GALNTL6: variants seen among roughly 807,000 people sequenced by gnomAD.
GALNTL6 encodes polypeptide N-acetylgalactosaminyltransferase-like 6.
GALNTL6 carries 46 observed loss-of-function variants against 73.7 expected under a neutral mutation model. The ratio of observed to expected loss-of-function variants is 0.62; its 90% CI spans 0.49 to 0.80. The LOEUF (loss-of-function observed/expected upper bound fraction) is 0.80. Among genes scored for constraint, GALNTL6 ranks in the 30% least tolerant of loss-of-function variants. The probability of loss-of-function intolerance (pLI) is 0.00; values close to 1 mark genes in which losing one functional copy is unlikely to be tolerated. For synonymous variants in GALNTL6, 259 were observed against 263.7 expected (o/e 0.98, Z 0.17); for missense variants, 604 against 755.0 (o/e 0.80, Z 2.34).
chr4:172,549,041 A>G (rs572035350), intron 5 of GALNTL6, among the ~76,000 whole-genome samples: 2 of 152,346 alleles, frequency 1.3e-5, no homozygotes, highest in East Asian at 3.9e-4. Flanking sequence ...TTATTGAAAT[A>G]TAATTTTCCC....
chr4:172,461,610 C>A (rs777979880), intron 5 of GALNTL6, among the ~76,000 whole-genome samples: 23 of 152,116 alleles, frequency 1.5e-4, no homozygotes, highest in Non-Finnish European at 2.9e-4. Flanking sequence ...TCCTTTGATT[C>A]TTTTTGCATG....
rs374604895 is a variant in GALNTL6 at position 172,321,418 on chromosome 4, G to C, written c.386+9666G>C. Among the ~76,000 whole-genome samples the C allele has an allele frequency of 6.4e-4, 98 of 152,268 alleles. 2 individuals carry two copies. In the South Asian group the frequency reaches 0.02, roughly 31 times the overall value. On this transcript the variant is annotated intron_variant, in intron 4 of 12. Coordinates refer to ENST00000506823, the MANE Select transcript of GALNTL6 (RefSeq NM_001034845.3). ...ATAAGCCATGCAAAGAAACAGTAAA[G>C]TGTGACCCCTCAGAATAATAAAAAG...
intron 10 of GALNTL6, among the ~76,000 whole-genome samples, chr4:172,997,823 T>C (rs1751865181): frequency 6.6e-6 from 1 of 152,228 alleles, no homozygotes; most frequent in African/African-American, 2.4e-5. Context: ...TATATGCATG[T>C]AATGGAATTT....
chr4:172,198,582 C>G (rs1486039980), intron 2 of GALNTL6, among the ~76,000 whole-genome samples: 3 of 152,038 alleles, frequency 2.0e-5, no homozygotes, highest in African/African-American at 4.8e-5. Flanking sequence ...TTCCAGTGCC[C>G]TCACAAAAAG....
intron 2 of GALNTL6, among the ~76,000 whole-genome samples, chr4:171,883,136 A>G (rs1306206729): frequency 5.3e-5 from 8 of 152,132 alleles, no homozygotes; most frequent in Non-Finnish European, 7.3e-5. Flanking sequence ...ATATTACCTG[A>G]GGTCAGGAGT....
intron 11 of GALNTL6, among the ~76,000 whole-genome samples, chr4:173,010,065 A>T (rs1015237304): frequency 2.6e-5 from 4 of 152,146 alleles, no homozygotes; most frequent in African/African-American, 9.7e-5. Context: ...GACTATAGTC[A>T]CCGTGTTGTG....
intron 5 of GALNTL6, among the ~76,000 whole-genome samples, chr4:172,770,263 C>CTAAATAAA (rs1738685054): frequency 2.3e-5 from 1 of 42,806 alleles, no homozygotes; most frequent in African/African-American, 6.2e-5. Flanking sequence ...AGGACTCCAT[C>CTAAATAAA]TCAATAAATA....
chr4:172,799,380 G>A (rs1001935063), intron 5 of GALNTL6, among the ~76,000 whole-genome samples: 3 of 152,134 alleles, frequency 2.0e-5, no homozygotes, highest in African/African-American at 4.8e-5. Context: ...CTTTGGTCCC[G>A]ACACTTTGAT....
chr4:172,244,711 G>A (rs1189164640), intron 3 of GALNTL6, among the ~76,000 whole-genome samples: 2 of 152,038 alleles, frequency 1.3e-5, no homozygotes, highest in Non-Finnish European at 2.9e-5. Context: ...GTTTTCTCAT[G>A]CCATCAAATC....
chr4:172,655,647 A>G (rs1434936449), intron 5 of GALNTL6, among the ~76,000 whole-genome samples: 3 of 152,214 alleles, frequency 2.0e-5, no homozygotes, highest in Non-Finnish European at 4.4e-5. Flanking sequence ...CGTGACCTCA[A>G]GAGTAGTATC....
intron 4 of GALNTL6, among the ~76,000 whole-genome samples, chr4:172,327,293 T>G (rs6553625): frequency 2.0e-5 from 3 of 151,920 alleles, no homozygotes; most frequent in Admixed American, 6.6e-5. Flanking sequence ...CTTTTATATT[T>G]GCTAAGGACT....
intron 8 of GALNTL6, among the ~76,000 whole-genome samples, chr4:172,906,675 C>T (rs960112798): frequency 2.6e-5 from 4 of 152,210 alleles, no homozygotes; most frequent in African/African-American, 9.6e-5. Flanking sequence ...CCCCCATTGT[C>T]TTGCTGGCTG....
intron 5 of GALNTL6, among the ~76,000 whole-genome samples, chr4:172,611,313 G>A (rs1348085357): frequency 6.6e-6 from 1 of 152,042 alleles, no homozygotes; most frequent in African/African-American, 2.4e-5. Flanking sequence ...GTGGTGGCAA[G>A]TAATGGTCTT....
intron 3 of GALNTL6, among the ~76,000 whole-genome samples, chr4:172,296,484 G>T (rs201846148): frequency 1.8e-4 from 27 of 152,118 alleles, no homozygotes; most frequent in East Asian, 1.5e-3. Flanking sequence ...TTAACATTAG[G>T]TATATCTCCT....
At chr4:172,784,355 G>A (rs1052567874) in intron 5 of GALNTL6, among the ~76,000 whole-genome samples, 9 of 152,082 alleles carry the variant, frequency 5.9e-5, no homozygotes, top group African/African-American at 2.2e-4. Flanking sequence ...AATAATAATT[G>A]ATATGCGCAG....
chr4:172,514,939 C>T (rs1734551264), intron 5 of GALNTL6, among the ~76,000 whole-genome samples: 1 of 152,196 alleles, frequency 6.6e-6, no homozygotes, highest in Non-Finnish European at 1.5e-5. Context: ...CTTGGACACT[C>T]CCAGTTTTTT....
chr4:172,873,106 T>C (rs1561005828), intron 7 of GALNTL6, among the ~76,000 whole-genome samples: 4 of 152,270 alleles, frequency 2.6e-5, no homozygotes, highest in Non-Finnish European at 5.9e-5. Context: ...AACCCAAGAT[T>C]CATAAACTTT....
intron 12 of GALNTL6, among the ~76,000 whole-genome samples, chr4:173,036,826 G>C (rs1277081212): frequency 2.0e-5 from 3 of 152,158 alleles, no homozygotes; most frequent in African/African-American, 2.4e-5. Flanking sequence ...GAAACACTCA[G>C]AAGTCTATTC....
intron 7 of GALNTL6, among the ~76,000 whole-genome samples, chr4:172,832,140 G>T (rs1742674732): frequency 6.6e-6 from 1 of 152,092 alleles, no homozygotes; most frequent in Admixed American, 6.5e-5. Flanking sequence ...TACTTCTGTG[G>T]ACCTTGGGCT....
Sources: gnomAD v4.1 joint callset for allele counts (sites outside exome capture counted in the v4.1 genomes callset) on GRCh38, gnomAD v4.1.1 for gene constraint, MANE v1.5 for transcripts, NCBI Gene and HGNC (gene_info 2026-07-23, HGNC 2026-07-21) for gene names.